The following SLC9A9 variants were observed in gnomAD, a reference collection of about 807,000 sequenced individuals.
The protein encoded by SLC9A9 is sodium/hydrogen exchanger 9.
Under a neutral mutation model 77.8 loss-of-function variants are expected in SLC9A9, and 62 were observed. The observed-to-expected ratio is 0.80, with a 90% CI of 0.65 to 0.98. The LOEUF (loss-of-function observed/expected upper bound fraction) is 0.98. SLC9A9 is among the 50% of genes least tolerant of loss of function. The pLI is 0.00. For missense variants in SLC9A9, 775 were observed against 774.9 expected (o/e 1.00, Z 0.00); for synonymous variants, 320 against 283.5 (o/e 1.13, Z -1.29).
intron 4 of SLC9A9, among the ~76,000 whole-genome samples, chr3:143,768,694 G>A (rs1396195593): frequency 2.0e-5 from 3 of 152,130 alleles, no homozygotes; most frequent in Non-Finnish European, 4.4e-5. Flanking sequence ...CAAATGACAT[G>A]GCGTATTAGT....
intron 13 of SLC9A9, among the ~76,000 whole-genome samples, chr3:143,381,171 G>A (rs953399624): frequency 2.0e-5 from 3 of 152,124 alleles, no homozygotes; most frequent in African/African-American, 4.8e-5. Context: ...GAGGTGATAT[G>A]GTTTGGCTGT....
intron 5 of SLC9A9, among the ~76,000 whole-genome samples, chr3:143,690,408 G>T (rs1269562880): frequency 6.6e-6 from 1 of 152,004 alleles, no homozygotes; most frequent in African/African-American, 2.4e-5. Flanking sequence ...ATCCCTTAGT[G>T]CCCAGATTAT....
intron 9 of SLC9A9, chr3:143,503,624 C>T: frequency 6.7e-6 from 3 of 450,616 alleles, no homozygotes; most frequent in Non-Finnish European, 8.9e-6. Context: ...GATGACCTTG[C>T]CCATGCCTTG....
intron 9 of SLC9A9, among the ~76,000 whole-genome samples, chr3:143,528,857 C>A (rs2036454095): frequency 6.6e-6 from 1 of 151,442 alleles, no homozygotes; most frequent in Admixed American, 6.6e-5. Flanking sequence ...TGCCAGGCAT[C>A]AGACTATCTG....
chr3:143,773,751 T>C (rs548954814), intron 4 of SLC9A9, among the ~76,000 whole-genome samples: 11 of 152,344 alleles, frequency 7.2e-5, no homozygotes, highest in African/African-American at 2.6e-4. Context: ...CCCAAAGTTC[T>C]GGGATTATAG....
chr3:143,666,527 A>G (rs959789989), intron 5 of SLC9A9, among the ~76,000 whole-genome samples: 17 of 152,244 alleles, frequency 1.1e-4, no homozygotes, highest in Admixed American at 2.0e-4. Flanking sequence ...TTCAATTAGG[A>G]AAAGAGGAAA....
chr3:143,372,520 G>A (rs551061548), intron 13 of SLC9A9, among the ~76,000 whole-genome samples: 1 of 151,886 alleles, frequency 6.6e-6, no homozygotes, highest in Non-Finnish European at 1.5e-5. Flanking sequence ...AAAAAGTCTA[G>A]AAGATAACCT....
At chr3:143,309,516 T>C (rs1237739733) in intron 14 of SLC9A9, among the ~76,000 whole-genome samples, 2 of 152,100 alleles carry the variant, frequency 1.3e-5, no homozygotes, top group African/African-American at 2.4e-5. Flanking sequence ...TCAGGCTTGG[T>C]TTCATGATTT....
At chr3:143,817,310 G>A (rs984651857) in intron 2 of SLC9A9, among the ~76,000 whole-genome samples, 33 of 150,304 alleles carry the variant, frequency 2.2e-4, no homozygotes, top group Non-Finnish European at 4.3e-4. Context: ...CACCGCGCCC[G>A]GCTAATTTTT....
At chr3:143,285,159 G>T (rs975981773) in intron 14 of SLC9A9, among the ~76,000 whole-genome samples, 1 of 152,018 alleles carries the variant, frequency 6.6e-6, no homozygotes, top group African/African-American at 2.4e-5. Context: ...AGGTACACAC[G>T]TGCCATGGTG....
Position 143,574,178 on chromosome 3 carries a change from T to C in SLC9A9, c.910A>G (p.Lys304Glu), listed in dbSNP as rs750216207. The C allele has an allele frequency of 6.2e-7, 1 of 1,613,042 alleles. No homozygotes were observed. Among genetic ancestry groups the C allele is most frequent in the Non-Finnish European group, 8.5e-7 (1 of 1,179,368 alleles). ...IITALLTKFT[K>E]LCEFPMLETG... ...TCCAGCATCGGGAACTCACACAGCT[T>C]GGTAAATTTGGTCAAGTGAGGAAGA... Residue 304 changes from lysine to glutamate, a missense_variant, in exon 8 of 16, where the codon AAG becomes GAG. Lys to Glu is a moderately conservative substitution (Grantham distance 56). Transcript: ENST00000316549.
At chr3:143,652,449 A>G in intron 5 of SLC9A9, 89 bp from the exon 6 acceptor site, 1 of 925,352 alleles carries the variant, frequency 1.1e-6, no homozygotes, top group Middle Eastern at 2.1e-4. Flanking sequence ...AACATTAATG[A>G]AATGCTCATC....
chr3:143,593,015 A>G (rs1181220116), intron 6 of SLC9A9, among the ~76,000 whole-genome samples: 1 of 152,262 alleles, frequency 6.6e-6, no homozygotes, highest in Non-Finnish European at 1.5e-5. Context: ...TAATTAAAAA[A>G]AAACTTGGAA....
In SLC9A9 at chr3:143,482,674, T is replaced by G. The variant is rs139095673; in HGVS notation, c.1315+10979A>C. ...AAGTTGGGCTTGGCATTTCCCCTCC[T>G]TCCAGCAACTCCTGGTTCTTATTTA... On this transcript the variant is annotated intron_variant, in intron 11 of 15. Coordinates refer to ENST00000316549, the MANE Select transcript of SLC9A9 (RefSeq NM_173653.4). 3.8e-3 allele frequency among the ~76,000 whole-genome samples: 580 copies of G among 152,304 alleles called. 2 individuals are homozygous for G. Among genetic ancestry groups the G allele is most frequent in the African/African-American group, 0.013 (540 of 41,564 alleles).
At chr3:143,665,270 A>T (rs1159245160) in intron 5 of SLC9A9, among the ~76,000 whole-genome samples, 2 of 152,240 alleles carry the variant, frequency 1.3e-5, no homozygotes, top group African/African-American at 2.4e-5. Context: ...AGAAATAAAG[A>T]TGTTCTTTGA....
intron 6 of SLC9A9, among the ~76,000 whole-genome samples, chr3:143,600,584 G>C (rs2037830756): frequency 6.6e-6 from 1 of 152,178 alleles, no homozygotes; most frequent in Non-Finnish European, 1.5e-5. Flanking sequence ...ATGATCTGCA[G>C]AGATTGGTGA....
chr3:143,309,096 A>G (rs932286002), intron 14 of SLC9A9, among the ~76,000 whole-genome samples: 24 of 152,168 alleles, frequency 1.6e-4, no homozygotes, highest in African/African-American at 5.3e-4. Context: ...CTAAGATTCT[A>G]TTTGGACCTC....
intron 9 of SLC9A9, among the ~76,000 whole-genome samples, chr3:143,502,428 T>C (rs2035937440): frequency 6.6e-6 from 1 of 152,202 alleles, no homozygotes; most frequent in African/African-American, 2.4e-5. Context: ...TGAAGACTTA[T>C]TGGATACTAT....
chr3:143,518,005 T>G, intron 9 of SLC9A9: 2 of 1,419,302 alleles, frequency 1.4e-6, no homozygotes, highest in Non-Finnish European at 2.0e-6. Flanking sequence ...TTTCTTCACT[T>G]GACGGTTCTT....
Sources: allele counts gnomAD v4.1 joint callset (sites outside exome capture counted in the v4.1 genomes callset), GRCh38; gene constraint gnomAD v4.1.1; transcripts MANE v1.5; gene names NCBI Gene and HGNC (gene_info 2026-07-23, HGNC 2026-07-21).